TVP23A: variants seen among roughly 807,000 people sequenced by gnomAD.
The protein encoded by TVP23A is Golgi apparatus membrane protein TVP23 homolog A.
A neutral mutation model predicts 31.7 loss-of-function variants in TVP23A; 21 were observed. That is an observed-to-expected ratio of 0.66 (90% CI 0.47 to 0.95). The LOEUF (loss-of-function observed/expected upper bound fraction) is 0.95. TVP23A is among the 40% of genes least tolerant of loss of function. The pLI, the probability that TVP23A is intolerant of heterozygous loss-of-function variation, is 0.00. For synonymous variants in TVP23A, 104 were observed against 96.0 expected (o/e 1.08, Z -0.49); for missense variants, 279 against 255.6 (o/e 1.09, Z -0.62).
intron 2 of TVP23A, among the ~76,000 whole-genome samples, chr16:10,811,609 CACAT>C (rs1189757388): frequency 6.6e-6 from 1 of 152,076 alleles, no homozygotes; most frequent in African/African-American, 2.4e-5. Context: ...CACACACACA[CACAT>C]ACACTGACAC....
At chr16:10,778,744 T>C (rs1427272074) in intron 2 of TVP23A, among the ~76,000 whole-genome samples, 1 of 151,622 alleles carries the variant, frequency 6.6e-6, no homozygotes, top group Non-Finnish European at 1.5e-5. Context: ...GGCGGCTGGA[T>C]CACTTGAAGT....
At chr16:10,784,553 C>A (rs2032626339) in intron 2 of TVP23A, among the ~76,000 whole-genome samples, 1 of 145,720 alleles carries the variant, frequency 6.9e-6, no homozygotes, top group African/African-American at 2.7e-5. Flanking sequence ...AGAGCAAGAC[C>A]TTGTCTCAAA....
chr16:10,771,720 C>G lies in TVP23A; in HGVS notation c.532G>C (p.Asp178His), dbSNP rs2031637658. ...YILCKMGGNS[D>H]IGKVTASFLS... ...AAACTGGCTGTGACCTTGCCAATGT[C>G]ACTGTTGCCTCCCATCTTACAAAGG... Residue 178 changes from aspartate to histidine, a missense_variant, in exon 6 of 8, where the codon GAC (aspartate) becomes CAC (histidine). Asp to His is a moderately conservative substitution (Grantham distance 81). Transcript: ENST00000299866. 1 of 1,612,958 alleles carries G rather than the reference C, an allele frequency of 6.2e-7. No homozygotes were observed. The highest frequency in any genetic ancestry group is 8.5e-7 in the Non-Finnish European group (1 of 1,179,508).
Position 10,818,479 on chromosome 16 carries a change from C to T in TVP23A, c.9+6G>A. On this transcript the variant is annotated splice_donor_region_variant and intron_variant, in intron 1 of 7. Transcript: ENST00000299866. The surrounding 1 kb of genome is among the most constrained non-coding windows in gnomAD (Gnocchi z 4.7). Reference sequence around the variant, plus strand: ...GCCTCCAGCCCCAGCATCCCCGAGGCCCTACCTGCTTCATCACCCTCCCAG... The same window carrying T: ...GCCTCCAGCCCCAGCATCCCCGAGGTCCTACCTGCTTCATCACCCTCCCAG... 6.2e-7 allele frequency: 1 copy of T among 1,605,190 alleles called. No individual in the cohort carries two copies.
At chr16:10,800,566 G>A (rs1390458502) in intron 2 of TVP23A, among the ~76,000 whole-genome samples, 3 of 152,166 alleles carry the variant, frequency 2.0e-5, no homozygotes, top group African/African-American at 4.8e-5. Flanking sequence ...GTTATTTAAT[G>A]GGAGAATTGA....
intron 5 of TVP23A, among the ~76,000 whole-genome samples, chr16:10,772,185 T>C (rs1009118676): frequency 6.6e-6 from 1 of 152,134 alleles, no homozygotes; most frequent in South Asian, 2.1e-4. Flanking sequence ...CTCAGAATCA[T>C]TACAACTGGA....
intron 2 of TVP23A, among the ~76,000 whole-genome samples, chr16:10,796,659 T>C (rs1044675253): frequency 8.5e-5 from 13 of 152,192 alleles, no homozygotes; most frequent in African/African-American, 2.6e-4. Flanking sequence ...AGGATGGTCT[T>C]GATCTCCTGA....
chr16:10,773,435 G>C lies in TVP23A; in HGVS notation c.331C>G (p.Pro111Ala). ...GCTTCTGTGGCAGCAATGCTATTCG[G>C]AGAGACCTGTTAAAGGAAAGTAATT... ...HWIFEARKVSPNSIAATEAEA... is the reference protein window; with the variant it reads ...HWIFEARKVSANSIAATEAEA... Residue 111 changes from proline to alanine, a missense_variant, in exon 5 of 8, where the codon CCG (proline) becomes GCG (alanine). Coordinates refer to ENST00000299866, the MANE Select transcript of TVP23A (RefSeq NM_001079512.4). 6.3e-7 allele frequency: 1 copy of C among 1,597,846 alleles called. No individual in the cohort carries two copies. The highest frequency in any genetic ancestry group is 1.3e-5 in the African/African-American group (1 of 74,198).
downstream of TVP23A, among the ~76,000 whole-genome samples, chr16:10,764,098 C>T (rs2030464171): frequency 6.6e-6 from 1 of 151,964 alleles, no homozygotes; most frequent in African/African-American, 2.4e-5. Context: ...GGGAGTATCT[C>T]AGCCCACAGG....
At chr16:10,816,925 TCACACA>T (rs58142989) in intron 2 of TVP23A, among the ~76,000 whole-genome samples, 2,613 of 145,690 alleles carry the variant, frequency 0.018, 35 homozygotes, top group Middle Eastern at 0.058. Context: ...CAGGGAAACT[TCACACA>T]CACACACACA....
At chr16:10,775,251 G>T in intron 2 of TVP23A, 155 bp from the exon 3 acceptor site, 1 of 1,444,494 alleles carries the variant, frequency 6.9e-7, no homozygotes, top group African/African-American at 1.4e-5. Context: ...CTGTAGCCCT[G>T]GGGACACATC....
chr16:10,760,183 C>T (rs1900844907), downstream of TVP23A, among the ~76,000 whole-genome samples: 1 of 152,236 alleles, frequency 6.6e-6, no homozygotes, highest in Non-Finnish European at 1.5e-5. Context: ...CAGGGATTGG[C>T]AAACTTTTCT....
downstream of TVP23A, chr16:10,758,177 T>C (rs1442233000): frequency 1.2e-6 from 1 of 837,732 alleles, no homozygotes; most frequent in Non-Finnish European, 1.8e-6. Flanking sequence ...AGAAACCTCG[T>C]GTTAAAAACT....
downstream of TVP23A, among the ~76,000 whole-genome samples, chr16:10,762,392 A>G (rs2030063021): frequency 6.6e-6 from 1 of 152,210 alleles, no homozygotes; most frequent in African/African-American, 2.4e-5. Context: ...CAGGATCCCA[A>G]GAGATGCCCA....
downstream of TVP23A, chr16:10,758,054 G>A: frequency 2.5e-6 from 4 of 1,608,514 alleles, no homozygotes; most frequent in Non-Finnish European, 3.4e-6. Context: ...CTGGAGCTGG[G>A]TCCAAACTGT....
chr16:10,771,092 T>A (rs1596491809), intron 6 of TVP23A, among the ~76,000 whole-genome samples: 1 of 152,186 alleles, frequency 6.6e-6, no homozygotes, highest in East Asian at 1.9e-4. Flanking sequence ...AGTTAGTGTT[T>A]TGTGGGTACT....
intron 2 of TVP23A, among the ~76,000 whole-genome samples, chr16:10,782,268 C>G (rs1276061575): frequency 6.6e-6 from 1 of 152,134 alleles, no homozygotes; most frequent in African/African-American, 2.4e-5. Context: ...TCCCAAAGCC[C>G]TCTTCAGCAC....
chr16:10,759,184 G>A (rs377047813), downstream of TVP23A, among the ~76,000 whole-genome samples: 6 of 152,264 alleles, frequency 3.9e-5, no homozygotes, highest in African/African-American at 1.4e-4. The surrounding 1 kb of genome is among the most constrained non-coding windows in gnomAD (Gnocchi z 4.7). Flanking sequence ...CAGTAAAAAG[G>A]CCTGGCTCTC....
At chr16:10,760,442 G>A (rs1156438504), downstream of TVP23A, among the ~76,000 whole-genome samples, 2 of 152,362 alleles carry the variant, frequency 1.3e-5, no homozygotes, top group East Asian at 3.9e-4. Flanking sequence ...GGAGCATGTA[G>A]ATGCGTTAAA....
Sources: gnomAD v4.1 joint callset for allele counts (sites outside exome capture counted in the v4.1 genomes callset) on GRCh38, gnomAD v4.1.1 for gene constraint, Gnocchi (gnomAD v3.1) non-coding constraint, MANE v1.5 for transcripts, NCBI Gene and HGNC (gene_info 2026-07-23, HGNC 2026-07-21) for gene names.